The following ROCK1 variants were observed in gnomAD, a reference collection of about 807,000 sequenced individuals.
ROCK1 encodes rho-associated protein kinase 1.
In ROCK1, 36 loss-of-function variants were observed where a neutral mutation model predicts 196.8. The observed-to-expected ratio is 0.18, with a 90% CI of 0.14 to 0.24. The LOEUF (loss-of-function observed/expected upper bound fraction) is 0.24, where lower values mean the gene tolerates loss of function less well. Among genes scored for constraint, ROCK1 ranks in the 10% least tolerant of loss-of-function variants. The pLI is 1.00. For missense variants in ROCK1, 920 were observed against 1,562.0 expected (o/e 0.59, Z 6.93); for synonymous variants, 443 against 515.9 (o/e 0.86, Z 1.91).
chr18:21,074,071 T>TCGCTTGAGCC (rs1210530179), intron 1 of ROCK1, among the ~76,000 whole-genome samples: 2 of 152,158 alleles, frequency 1.3e-5, no homozygotes, highest in Non-Finnish European at 2.9e-5. Flanking sequence ...GGCAGGAAGA[T>TCGCTTGAGCC]CGCTTGAGCC....
intron 1 of ROCK1, among the ~76,000 whole-genome samples, chr18:21,078,301 C>T (rs2036451556): frequency 2.0e-5 from 3 of 150,038 alleles, no homozygotes; most frequent in Non-Finnish European, 3.0e-5. Context: ...TGCACTCCAG[C>T]CTGGGTGACA....
intron 2 of ROCK1, among the ~76,000 whole-genome samples, chr18:21,053,594 G>C (rs1480282363): frequency 6.6e-6 from 1 of 152,162 alleles, no homozygotes; most frequent in African/African-American, 2.4e-5. Flanking sequence ...CCAGTGCTTT[G>C]GGACACAGAG....
intron 16 of ROCK1, among the ~76,000 whole-genome samples, chr18:20,998,888 C>T (rs1034300108): frequency 3.3e-5 from 5 of 152,108 alleles, no homozygotes; most frequent in Admixed American, 3.3e-4. Context: ...GGATTACAAT[C>T]GTGAGCCACC....
At chr18:21,044,873 C>G (rs531727408) in intron 5 of ROCK1, among the ~76,000 whole-genome samples, 35 of 151,992 alleles carry the variant, frequency 2.3e-4, no homozygotes, top group Non-Finnish European at 4.6e-4. Flanking sequence ...TTTTTTCCCC[C>G]CTTCCTGACA....
intron 1 of ROCK1, among the ~76,000 whole-genome samples, chr18:21,099,650 T>C (rs868236895): frequency 1.3e-5 from 2 of 152,002 alleles, no homozygotes; most frequent in African/African-American, 4.8e-5. Flanking sequence ...GAAACTGAAG[T>C]GAGAGAATCG....
chr18:20,948,564 G>A lies in ROCK1; in HGVS notation c.*2820C>T, dbSNP rs1191917599. 3 of 149,948 alleles carry A rather than the reference G, an allele frequency of 2.0e-5. No homozygotes were observed. Among genetic ancestry groups the A allele is most frequent in the Admixed American group, 1.3e-4 (2 of 15,088 alleles). 9.3% of individuals were successfully genotyped at this position (149,948 alleles called of 1,614,324 possible). A position where few individuals can be genotyped will look rare whatever the true frequency, so the allele number is the denominator to read the frequency against. ...AGTGAACCTGTGAATAATGACAGTG[G>A]CTATGTTTTCTTTGTTGCCCAAAGC... On this transcript the variant is annotated 3_prime_UTR_variant, in exon 33 of 33. Transcript: ENST00000399799.
At chr18:21,080,004 C>T (rs1228766967) in intron 1 of ROCK1, among the ~76,000 whole-genome samples, 1 of 152,130 alleles carries the variant, frequency 6.6e-6, no homozygotes, top group African/African-American at 2.4e-5. Flanking sequence ...ATGTTGAAGA[C>T]GATCTGTTAC....
intron 2 of ROCK1, among the ~76,000 whole-genome samples, chr18:21,053,363 T>C (rs1159711914): frequency 6.6e-6 from 1 of 152,200 alleles, no homozygotes; most frequent in Non-Finnish European, 1.5e-5. Context: ...TTAAATTTTC[T>C]ATTTTTTCTC....
intron 15 of ROCK1, 35 bp downstream of exon 15, chr18:21,006,664 T>G: frequency 6.3e-7 from 1 of 1,582,054 alleles, no homozygotes; most frequent in Non-Finnish European, 8.5e-7. Context: ...TTATCTACAA[T>G]TTTTTTAAAA....
At chr18:21,083,877 GGA>G (rs1394700814) in intron 1 of ROCK1, among the ~76,000 whole-genome samples, 13 of 152,302 alleles carry the variant, frequency 8.5e-5, no homozygotes, top group Non-Finnish European at 1.9e-4. Context: ...TCAAATGTAT[GGA>G]GAGAGGGTAG....
In ROCK1 at chr18:21,015,463, G is replaced by C. The variant is rs2035854589; in HGVS notation, c.1378C>G (p.Leu460Val). Residue 460 changes from leucine to valine, a missense_variant, in exon 13 of 33, where the codon CTA (leucine) becomes GTA (valine). This residue lies in a region of ROCK1 where 520 missense variants were observed against 657.1 expected (regional missense o/e 0.79). Coordinates refer to ENST00000399799, the MANE Select transcript of ROCK1 (RefSeq NM_005406.3). ...EQKCRTSNIK[L>V]DKIMKELDEE... ...TCCAATTCTTTCATTATCTTGTCTA[G>C]TTTTATGTTTGAGGTTCTGTAAAAA... is the stretch of plus-strand genomic sequence containing the variant. 4 of 1,560,504 alleles carry C rather than the reference G, an allele frequency of 2.6e-6. No individual in the cohort carries two copies. In the African/African-American group the frequency reaches 4.1e-5, roughly 16 times the overall value.
rs1555743164 is a variant in ROCK1 at position 20,959,126 on chromosome 18, T to TATA, written c.3512+711_3512+713dup. Reference sequence around the variant, plus strand: ...TATTATATATATATTATATAATATATATATTATATATATTATATAAAATAT... The same window carrying TATA: ...TATTATATATATATTATATAATATATATAATATTATATATATTATATAAAATAT... On this transcript the variant is annotated intron_variant, in intron 29 of 32. Coordinates refer to ENST00000399799, the MANE Select transcript of ROCK1 (RefSeq NM_005406.3). 9.5e-3 allele frequency among the ~76,000 whole-genome samples: 514 copies of TATA among 53,898 alleles called. 43 individuals carry two copies. The highest frequency in any genetic ancestry group is 0.069 in the African/African-American group (487 of 7,070). 35.4% of individuals were successfully genotyped at this position (53,898 alleles called of 152,430 possible).
intron 1 of ROCK1, among the ~76,000 whole-genome samples, chr18:21,085,549 A>G (rs2036519878): frequency 6.6e-6 from 1 of 152,190 alleles, no homozygotes; most frequent in Admixed American, 6.5e-5. Context: ...TTTAAAACTT[A>G]AACTTGATGA....
intron 22 of ROCK1, among the ~76,000 whole-genome samples, chr18:20,978,896 T>C (rs2035504679): frequency 6.6e-6 from 1 of 152,202 alleles, no homozygotes. Context: ...TGTATTAGTT[T>C]TGCTGTTTTC....
At chr18:21,038,927 AACTG>A (rs1318639184) in intron 9 of ROCK1, among the ~76,000 whole-genome samples, 1 of 152,212 alleles carries the variant, frequency 6.6e-6, no homozygotes, top group African/African-American at 2.4e-5. Flanking sequence ...AAGTGTTCTA[AACTG>A]ACTGAAAATT....
In ROCK1 at chr18:21,049,216, G is replaced by A. The variant is rs1246613751; in HGVS notation, c.290C>T (p.Ser97Phe). 2.5e-6 allele frequency: 4 copies of A among 1,587,784 alleles called. No individual in the cohort carries two copies. Among genetic ancestry groups the A allele is most frequent in the East Asian group, 2.3e-5 (1 of 44,118 alleles). Reference protein sequence around the residue: ...FGEVQLVRHKSTRKVYAMKLL... With the variant: ...FGEVQLVRHKFTRKVYAMKLL... ...CTTCATAGCATATACCTTCCTGGTG[G>A]ATTTATGCCTTACCTTTAAAATTGA... The change falls in exon 4 of 33, where the codon TCC becomes TTC. Residue 97 changes from serine to phenylalanine, a missense_variant. Transcript: ENST00000399799.
At chr18:21,099,097 G>GAC (rs1183815970) in intron 1 of ROCK1, among the ~76,000 whole-genome samples, 1 of 152,050 alleles carries the variant, frequency 6.6e-6, no homozygotes, top group Non-Finnish European at 1.5e-5. Context: ...CTACTCCAAA[G>GAC]ACACACTGGT....
intron 32 of ROCK1, among the ~76,000 whole-genome samples, chr18:20,952,046 A>G (rs1029406931): frequency 3.3e-5 from 5 of 152,204 alleles, no homozygotes; most frequent in African/African-American, 1.2e-4. Flanking sequence ...CTAATGTGTA[A>G]AATGAGAACT....
intron 2 of ROCK1, among the ~76,000 whole-genome samples, chr18:21,050,381 T>G (rs536141470): frequency 6.6e-6 from 1 of 151,388 alleles, no homozygotes; most frequent in Non-Finnish European, 1.5e-5. Flanking sequence ...CAACTGGTAA[T>G]CTTTAATACT....
Sources: gnomAD v4.1 joint callset for allele counts (sites outside exome capture counted in the v4.1 genomes callset) on GRCh38, gnomAD v4.1.1 for gene constraint, gnomAD v4.1.1 regional missense constraint, MANE v1.5 for transcripts, NCBI Gene and HGNC (gene_info 2026-07-23, HGNC 2026-07-21) for gene names.